UBTD1: variants seen among roughly 807,000 people sequenced by gnomAD.
UBTD1 encodes the protein ubiquitin domain containing 1.
In UBTD1, 19 loss-of-function variants were observed where a neutral mutation model predicts 21.7. The ratio of observed to expected loss-of-function variants is 0.87; its 90% CI spans 0.61 to 1.28. The LOEUF is 1.28. Ranked by LOEUF, UBTD1 falls within the 50% of genes most tolerant of loss-of-function variation. UBTD1 has a pLI of 0.00. For synonymous variants in UBTD1, 116 were observed against 135.1 expected (o/e 0.86, Z 0.98); for missense variants, 282 against 315.1 (o/e 0.89, Z 0.80).
intron 1 of UBTD1, among the ~76,000 whole-genome samples, chr10:97,530,464 T>C (rs2040523838): frequency 6.6e-6 from 1 of 152,236 alleles, no homozygotes; most frequent in Non-Finnish European, 1.5e-5. Context: ...AAGCATACTT[T>C]ATAGTGCTCA....
chr10:97,519,179 A>G (rs1200358328), intron 1 of UBTD1, among the ~76,000 whole-genome samples: 1 of 152,244 alleles, frequency 6.6e-6, no homozygotes, highest in East Asian at 1.9e-4. Context: ...GAGACCTCAT[A>G]GTGTCATTCT....
chr10:97,499,558 C>T (rs2040321715), intron 1 of UBTD1, among the ~76,000 whole-genome samples: 1 of 152,162 alleles, frequency 6.6e-6, no homozygotes. Flanking sequence ...GCGGGGCCGA[C>T]GGATCGGGAG....
intron 1 of UBTD1, among the ~76,000 whole-genome samples, chr10:97,516,350 C>T (rs114976349): frequency 0.015 from 2,247 of 152,324 alleles, 62 homozygotes; most frequent in African/African-American, 0.051. Context: ...TACATGTCGG[C>T]GTGTTCCATG....
At chr10:97,515,586 G>A (rs1475672776) in intron 1 of UBTD1, among the ~76,000 whole-genome samples, 1 of 152,206 alleles carries the variant, frequency 6.6e-6, no homozygotes, top group East Asian at 1.9e-4. Flanking sequence ...CTTAAGCAGG[G>A]ATTAGAAAAA....
chr10:97,554,136 G>A (rs749210686), intron 1 of UBTD1, among the ~76,000 whole-genome samples: 1 of 152,134 alleles, frequency 6.6e-6, no homozygotes, highest in Non-Finnish European at 1.5e-5. Context: ...AAGAGAAAAT[G>A]AGATGCATGG....
chr10:97,530,391 T>C (rs2040523441), intron 1 of UBTD1, among the ~76,000 whole-genome samples: 1 of 152,174 alleles, frequency 6.6e-6, no homozygotes, highest in Non-Finnish European at 1.5e-5. Flanking sequence ...TGAGTTACAG[T>C]CGCGCCACTG....
At chr10:97,566,194 C>A (rs1434795808) in intron 1 of UBTD1, among the ~76,000 whole-genome samples, 1 of 151,724 alleles carries the variant, frequency 6.6e-6, no homozygotes, top group Non-Finnish European at 1.5e-5. Context: ...TATCCAAAGT[C>A]TTTGCAAATC....
intron 1 of UBTD1, among the ~76,000 whole-genome samples, chr10:97,524,714 T>C (rs957225886): frequency 6.6e-6 from 1 of 152,204 alleles, no homozygotes; most frequent in Non-Finnish European, 1.5e-5. Context: ...ACAGACCAAG[T>C]GAGGGGGCAG....
intron 1 of UBTD1, among the ~76,000 whole-genome samples, chr10:97,516,702 G>A (rs1312078915): frequency 6.6e-6 from 1 of 152,082 alleles, no homozygotes; most frequent in African/African-American, 2.4e-5. Context: ...CTGAACCCGG[G>A]AGGCAGAGGT....
At chr10:97,506,598 A>G (rs2040400700) in intron 1 of UBTD1, among the ~76,000 whole-genome samples, 1 of 152,076 alleles carries the variant, frequency 6.6e-6, no homozygotes, top group Admixed American at 6.6e-5. Flanking sequence ...CAACCATCCC[A>G]GTACCCATCT....
At chr10:97,512,417 A>G (rs570988809) in intron 1 of UBTD1, among the ~76,000 whole-genome samples, 3 of 152,240 alleles carry the variant, frequency 2.0e-5, no homozygotes, top group African/African-American at 7.2e-5. Context: ...GCTCAGTGTG[A>G]TAGTCCTGCT....
At chr10:97,516,829 A>G (rs1172714777) in intron 1 of UBTD1, among the ~76,000 whole-genome samples, 1 of 151,660 alleles carries the variant, frequency 6.6e-6, no homozygotes, top group South Asian at 2.1e-4. Flanking sequence ...TGCTGTGGAC[A>G]CTGGAGAGCA....
chr10:97,537,907 C>T (rs914280852), intron 1 of UBTD1, among the ~76,000 whole-genome samples: 10 of 150,044 alleles, frequency 6.7e-5, no homozygotes, highest in Non-Finnish European at 1.5e-4. Flanking sequence ...CCCACTGCAA[C>T]CTCTACCTCC....
At chr10:97,567,845 G>C in intron 1 of UBTD1, 69 bp from the exon 2 acceptor site, 1 of 1,484,682 alleles carries the variant, frequency 6.7e-7, no homozygotes, top group Non-Finnish European at 9.2e-7. Flanking sequence ...GGAGGGGAGG[G>C]GAGGGGGAGG....
chr10:97,554,619 T>C (rs2040655607), intron 1 of UBTD1, among the ~76,000 whole-genome samples: 1 of 152,130 alleles, frequency 6.6e-6, no homozygotes, highest in South Asian at 2.1e-4. Context: ...GGTGCAGTCA[T>C]AGTTCACTGC....
chr10:97,568,928 A>T (rs1414647475), intron 2 of UBTD1, among the ~76,000 whole-genome samples: 1 of 151,914 alleles, frequency 6.6e-6, no homozygotes, highest in Non-Finnish European at 1.5e-5. Context: ...GGTTCAAGTG[A>T]TTCTCCTGTC....
At chr10:97,524,719 G>A (rs1296109128) in intron 1 of UBTD1, among the ~76,000 whole-genome samples, 2 of 152,164 alleles carry the variant, frequency 1.3e-5, no homozygotes, top group Non-Finnish European at 2.9e-5. Flanking sequence ...CCAAGTGAGG[G>A]GGCAGCTCGG....
intron 1 of UBTD1, among the ~76,000 whole-genome samples, chr10:97,550,493 G>C (rs748778350): frequency 6.6e-6 from 1 of 152,044 alleles, no homozygotes; most frequent in African/African-American, 2.4e-5. Context: ...CCCTGCCTCC[G>C]CCTGCCTCCC....
intron 1 of UBTD1, among the ~76,000 whole-genome samples, chr10:97,549,671 A>G (rs1157034733): frequency 2.6e-5 from 4 of 152,158 alleles, no homozygotes; most frequent in Non-Finnish European, 5.9e-5. Context: ...CCCGGTAAGA[A>G]GCCTGGCCCA....
Sources: gnomAD v4.1 joint callset for allele counts (sites outside exome capture counted in the v4.1 genomes callset) on GRCh38, gnomAD v4.1.1 for gene constraint, MANE v1.5 for transcripts, NCBI Gene and HGNC (gene_info 2026-07-23, HGNC 2026-07-21) for gene names.